Variants in VPS37A observed in about 807,000 individuals in gnomAD.
The protein encoded by VPS37A is vacuolar protein sorting-associated protein 37A.
VPS37A carries 30 observed loss-of-function variants against 49.8 expected under a neutral mutation model. The observed-to-expected ratio is 0.60, with a 90% confidence interval of 0.45 to 0.82. VPS37A has a LOEUF of 0.82. Ranked by LOEUF, VPS37A falls within the 40% of genes least tolerant of loss-of-function variation. VPS37A has a pLI of 0.00. For synonymous variants in VPS37A, 195 were observed against 160.6 expected, an observed-to-expected ratio of 1.21 and a Z score of -1.62; for missense variants, 593 against 464.4, an observed-to-expected ratio of 1.28 and a Z score of -2.55.
chr8:17,298,191 C>A (rs1036725641), downstream of VPS37A: 1 of 151,992 alleles, frequency 6.6e-6, no homozygotes, highest in Non-Finnish European at 1.5e-5. Context: ...AATGTGAAAG[C>A]CATTACCACT....
intron 1 of VPS37A, among the ~76,000 whole-genome samples, chr8:17,258,772 A>G (rs915564647): frequency 2.6e-5 from 4 of 151,968 alleles, no homozygotes; most frequent in Admixed American, 2.6e-4. Flanking sequence ...GAGACTTTTT[A>G]TTATGGCTTT....
the VPS37A span, among the ~76,000 whole-genome samples, chr8:17,314,807 C>A: frequency 6.6e-6 from 1 of 152,208 alleles, no homozygotes; most frequent in Admixed American, 6.5e-5. Context: ...ACCTGATATG[C>A]AGTCGGTGAA....
downstream of VPS37A, chr8:17,304,320 A>G: frequency 6.3e-7 from 1 of 1,574,930 alleles, no homozygotes; most frequent in Non-Finnish European, 8.7e-7. Flanking sequence ...TCTGAATGTT[A>G]AACGGTACCA....
At chr8:17,265,652 T>G in intron 1 of VPS37A, 1 of 795,698 alleles carries the variant, frequency 1.3e-6, no homozygotes, top group South Asian at 1.5e-5. Context: ...GTAGCATTAA[T>G]GAAGAGTTTT....
downstream of VPS37A, among the ~76,000 whole-genome samples, chr8:17,306,722 T>C (rs1401262462): frequency 6.6e-6 from 1 of 152,164 alleles, no homozygotes; most frequent in African/African-American, 2.4e-5. Context: ...TGAGCAATGA[T>C]CAGTTTTAGA....
Position 17,284,524 on chromosome 8 carries a change from G to C in VPS37A, c.1021G>C (p.Ala341Pro), listed in dbSNP as rs770515636. ...QARLKVAAHE[A>P]EEESDNIAED... ...AAGATTGAAAGTAGCTGCACATGAA[G>C]CTGAGGAAGAATCTGATAATATTGC... Residue 341 changes from alanine (A) to proline (P), a missense_variant, in exon 10 of 12, where the codon GCT (alanine) becomes CCT (proline). Ala to Pro is a conservative substitution (Grantham distance 27). Transcript: ENST00000324849. The C allele has an allele frequency of 6.3e-7, 1 of 1,599,740 alleles. No homozygotes were observed. Among genetic ancestry groups the C allele is most frequent in the Non-Finnish European group, 8.5e-7 (1 of 1,175,546 alleles).
chr8:17,255,253 G>T (rs529750524), intron 1 of VPS37A, among the ~76,000 whole-genome samples: 7 of 152,194 alleles, frequency 4.6e-5, no homozygotes, highest in Admixed American at 4.6e-4. Context: ...GGCTGAAGCG[G>T]GTGGATCGCC....
chr8:17,308,589 T>G, the VPS37A span, among the ~76,000 whole-genome samples: 1 of 152,162 alleles, frequency 6.6e-6, no homozygotes, highest in Non-Finnish European at 1.5e-5. Context: ...AAATTTAAAT[T>G]TTATCACCAA....
downstream of VPS37A, among the ~76,000 whole-genome samples, chr8:17,304,682 G>A (rs1462690550): frequency 6.6e-6 from 1 of 150,978 alleles, no homozygotes; most frequent in Non-Finnish European, 1.5e-5. Context: ...TGGTATAGAG[G>A]GAGAACACTG....
At chr8:17,311,318 T>C in the VPS37A span, among the ~76,000 whole-genome samples, 1 of 152,170 alleles carries the variant, frequency 6.6e-6, no homozygotes, top group Non-Finnish European at 1.5e-5. Context: ...CAGAAATTCA[T>C]CTCTTTATTC....
chr8:17,311,656 C>G, the VPS37A span: 9 of 1,613,680 alleles, frequency 5.6e-6, no homozygotes, highest in Non-Finnish European at 7.6e-6. Context: ...ACACGATCCG[C>G]AAAGAGTCAC....
chr8:17,274,106 T>G lies in VPS37A; in HGVS notation c.417-627T>G, dbSNP rs191780099. ...AAAATTTGCTAAGGGGAAAAAATGT[T>G]AAATGTAAAATATTTGTTATCTTGC... On this transcript the variant is annotated intron_variant, in intron 4 of 11. Coordinates refer to ENST00000324849, the MANE Select transcript of VPS37A (RefSeq NM_152415.3). Among the ~76,000 whole-genome samples the G allele has an allele frequency of 2.0e-5, 3 of 152,342 alleles. No homozygotes were observed. In the East Asian group the frequency reaches 5.8e-4, roughly 29 times the overall value.
At chr8:17,329,357 G>C in the VPS37A span, among the ~76,000 whole-genome samples, 3,554 of 152,254 alleles carry the variant, frequency 0.023, 140 homozygotes, top group African/African-American at 0.08. Flanking sequence ...AGATATCCTA[G>C]CCTACTGCAC....
downstream of VPS37A, among the ~76,000 whole-genome samples, chr8:17,303,034 C>T (rs919880826): frequency 1.3e-5 from 2 of 151,936 alleles, no homozygotes; most frequent in South Asian, 2.1e-4. Flanking sequence ...TTATCCTACA[C>T]AAAAAAGCAA....
intron 1 of VPS37A, among the ~76,000 whole-genome samples, chr8:17,253,888 A>G (rs1422830213): frequency 1.3e-5 from 2 of 152,210 alleles, no homozygotes; most frequent in Admixed American, 6.5e-5. Context: ...CAGCTATAGT[A>G]TGAAGGATTT....
downstream of VPS37A, chr8:17,302,068 G>A (rs758991603): frequency 1.3e-6 from 2 of 1,537,876 alleles, no homozygotes; most frequent in Non-Finnish European, 1.8e-6. Context: ...TATTTGTATT[G>A]CACTGAATCT....
the VPS37A span, chr8:17,311,466 T>C: frequency 6.2e-7 from 1 of 1,612,670 alleles, no homozygotes; most frequent in Non-Finnish European, 8.5e-7. Context: ...GGTCCATTCC[T>C]GGTCAAGGCA....
At chr8:17,284,871 A>AC (rs1008059099) in intron 10 of VPS37A, among the ~76,000 whole-genome samples, 42 of 152,070 alleles carry the variant, frequency 2.8e-4, no homozygotes, top group African/African-American at 9.9e-4. Flanking sequence ...TTCCCAGGGG[A>AC]CCCCAGGGGG....
intron 4 of VPS37A, among the ~76,000 whole-genome samples, chr8:17,271,529 C>T (rs564047042): frequency 1.3e-5 from 2 of 152,216 alleles, no homozygotes; most frequent in African/African-American, 4.8e-5. Context: ...TGGCGTGAAC[C>T]CGGGAGGAAG....
Sources: allele counts gnomAD v4.1 joint callset (sites outside exome capture counted in the v4.1 genomes callset), GRCh38; gene constraint gnomAD v4.1.1; transcripts MANE v1.5; gene names NCBI Gene and HGNC (gene_info 2026-07-23, HGNC 2026-07-21).